The following PDCD6IP variants were observed in gnomAD, a reference collection of about 807,000 sequenced individuals.
PDCD6IP encodes the protein programmed cell death 6 interacting protein, also known as programmed cell death 6-interacting protein.
A neutral mutation model predicts 103.7 loss-of-function variants in PDCD6IP; 43 were observed. That is an observed-to-expected ratio of 0.41 (90% CI 0.32 to 0.53). The LOEUF (loss-of-function observed/expected upper bound fraction) is 0.53. Among genes scored for constraint, PDCD6IP ranks in the 20% least tolerant of loss-of-function variants. PDCD6IP has a pLI of 0.16. For missense variants in PDCD6IP, 871 were observed against 1,036.7 expected, an observed-to-expected ratio of 0.84 and a Z score of 2.20; for synonymous variants, 354 against 378.7, an observed-to-expected ratio of 0.93 and a Z score of 0.76.
rs202202188 is a variant in PDCD6IP, at chr3:33,855,222, A to G, written c.2082A>G (p.Ile694Met). The change falls in exon 15 of 18, where the codon ATA becomes ATG. Residue 694 changes from isoleucine to methionine, a missense_variant. Around this residue, in one of 5 missense-constraint regions of PDCD6IP, gnomAD observed 266 missense variants for 390.5 expected, o/e 0.68. Transcript: ENST00000307296. ...GGTTCCAGAACAAATGCAGTGATAT[A>G]GTTTTTGCACGGAAGACAGAAAGAG... ...LVRFQNKCSDIVFARKTERDE... is the reference protein window; with the variant it reads ...LVRFQNKCSDMVFARKTERDE... 1.1e-5 allele frequency: 17 copies of G among 1,611,040 alleles called. No individual in the cohort carries two copies. Among genetic ancestry groups the G allele is most frequent in the Middle Eastern group, 3.3e-4 (2 of 6,052 alleles).
intron 12 of PDCD6IP, among the ~76,000 whole-genome samples, chr3:33,845,860 A>C (rs1283467908): frequency 1.3e-5 from 2 of 152,206 alleles, no homozygotes; most frequent in African/African-American, 4.8e-5. Context: ...TTTGGGTTTT[A>C]TAAAAGAGAG....
Position 33,869,419 on chromosome 3 carries a change from A to G in PDCD6IP, c.*2894A>G, listed in dbSNP as rs1478534627. 6.6e-6 allele frequency: 1 copy of G among 152,262 alleles called. No homozygotes were observed. Among genetic ancestry groups the G allele is most frequent in the Admixed American group, 6.5e-5 (1 of 15,292 alleles). 9.4% of individuals were successfully genotyped at this position (152,262 alleles called of 1,614,324 possible). ...GTGTTATAATTGCTAGATTAAAAAT[A>G]GACTAGAACAGGTTCATTTTAAGAT... On this transcript the variant is annotated 3_prime_UTR_variant, in exon 18 of 18. Transcript: ENST00000307296.
Position 33,852,645 on chromosome 3 carries a change from C to A in PDCD6IP, c.1799C>A (p.Ser600Tyr). Reference sequence around the variant, plus strand: ...GGTGTGATAAATGAAGAAGCTCTTTCTGTTACTGAACTAGATCGAGTCTAT... The same window carrying A: ...GGTGTGATAAATGAAGAAGCTCTTTATGTTACTGAACTAGATCGAGTCTAT... ...QDGVINEEAL[S>Y]VTELDRVYGG... The change falls in exon 13 of 18, where the codon TCT (serine) becomes TAT (tyrosine). Residue 600 changes from serine (S) to tyrosine (Y), a missense_variant. By Grantham distance (144) the Ser-to-Tyr change is moderately radical (BLOSUM62 -2). Coordinates refer to ENST00000307296, the MANE Select transcript of PDCD6IP (RefSeq NM_013374.6). The A allele has an allele frequency of 1.2e-6, 2 of 1,600,978 alleles. No homozygotes were observed. Among genetic ancestry groups the A allele is most frequent in the Non-Finnish European group, 1.7e-6 (2 of 1,176,684 alleles).
intron 3 of PDCD6IP, among the ~76,000 whole-genome samples, chr3:33,814,388 G>A (rs879802071): frequency 6.6e-4 from 100 of 151,880 alleles, no homozygotes; most frequent in Middle Eastern, 6.9e-3. Context: ...ACCCATCTCG[G>A]CCTCCCAAAG....
intron 3 of PDCD6IP, among the ~76,000 whole-genome samples, chr3:33,818,081 A>G (rs1696895997): frequency 6.7e-6 from 1 of 148,816 alleles, no homozygotes; most frequent in South Asian, 2.1e-4. Flanking sequence ...TCTTGTTTGG[A>G]ATATATTTCA....
chr3:33,818,804 A>G (rs1473769371), intron 3 of PDCD6IP, among the ~76,000 whole-genome samples: 1 of 152,168 alleles, frequency 6.6e-6, no homozygotes, highest in Non-Finnish European at 1.5e-5. Context: ...GGCGTGAGCC[A>G]CTGCACCTGG....
intron 2 of PDCD6IP, 43 bp from the exon 3 acceptor site, chr3:33,813,516 C>T: frequency 8.4e-7 from 1 of 1,187,264 alleles, no homozygotes; most frequent in Non-Finnish European, 1.2e-6. Flanking sequence ...TAATGAGATT[C>T]AGGAAGGTTA....
At chr3:33,856,976 C>G (rs1697842965) in intron 15 of PDCD6IP, among the ~76,000 whole-genome samples, 1 of 151,940 alleles carries the variant, frequency 6.6e-6, no homozygotes, top group African/African-American at 2.4e-5. Context: ...TTTCAGCCAA[C>G]TAGATCTTTA....
chr3:33,813,581 A>G lies in PDCD6IP; in HGVS notation c.287A>G (p.Lys96Arg). 1 of 1,608,872 alleles carries G rather than the reference A, an allele frequency of 6.2e-7. No individual in the cohort carries two copies. The highest frequency in any genetic ancestry group is 1.3e-5 in the African/African-American group (1 of 74,936). ...ENQICLTFTW[K>R]DAFDKGSLFG... ...CAGATCTGCTTGACATTTACCTGGA[A>G]GGATGCTTTCGATAAAGGTTCACTT... Residue 96 changes from lysine to arginine, a missense_variant, in exon 3 of 18, where the codon AAG becomes AGG. Physicochemically the swap from Lys to Arg is conservative, Grantham distance 26 (BLOSUM62 2). Transcript: ENST00000307296.
intron 9 of PDCD6IP, among the ~76,000 whole-genome samples, chr3:33,840,112 C>G (rs1424168590): frequency 6.6e-6 from 1 of 151,266 alleles, no homozygotes; most frequent in Non-Finnish European, 1.5e-5. Context: ...AACTTAACTA[C>G]TAATAGCCTG....
Position 33,841,274 on chromosome 3 carries a change from C to T in PDCD6IP, c.1182-623C>T, listed in dbSNP as rs1438015066. On this transcript the variant is annotated intron_variant, in intron 9 of 17. Transcript: ENST00000307296. ...AATTCCTGACCTCAGGTGATCCACC[C>T]GTCTGGGCCTCCCAAAGTGCTGGGA... is the stretch of plus-strand genomic sequence containing the variant. 5.3e-5 allele frequency among the ~76,000 whole-genome samples: 8 copies of T among 151,836 alleles called. No homozygotes were observed. In the East Asian group the frequency reaches 7.8e-4, roughly 15 times the overall value.
Position 33,828,714 on chromosome 3 carries a change from A to G in PDCD6IP, c.718-139A>G, listed in dbSNP as rs115657237. On this transcript the variant is annotated intron_variant, in intron 6 of 17. Transcript: ENST00000307296. The stretch of plus-strand genomic sequence containing the variant: ...CATGTCGTCTTCTCTGTTTACACCT[A>G]ATGACTAACCTTAATCTCTAAACCA... The G allele has an allele frequency of 3.8e-5, 28 of 741,696 alleles. No individual in the cohort carries two copies. The African/African-American group carries it at 4.7e-4, about 12-fold the overall frequency. 45.9% of individuals were successfully genotyped at this position (741,696 alleles called of 1,614,324 possible). A position where few individuals can be genotyped will look rare whatever the true frequency, so the allele number is the denominator to read the frequency against.
At chr3:33,822,288 C>T (rs551897717) in intron 4 of PDCD6IP, among the ~76,000 whole-genome samples, 12 of 152,116 alleles carry the variant, frequency 7.9e-5, no homozygotes, top group African/African-American at 2.2e-4. Context: ...TGTTTTATAC[C>T]GAGCACCTAG....
At chr3:33,855,719 G>T (rs1697812282) in intron 15 of PDCD6IP, among the ~76,000 whole-genome samples, 2 of 152,326 alleles carry the variant, frequency 1.3e-5, no homozygotes, top group Non-Finnish European at 2.9e-5. Flanking sequence ...AATCAATACA[G>T]AGTAGCACAG....
At chr3:33,838,469 G>C in intron 9 of PDCD6IP, 142 bp downstream of exon 9, 4 of 725,886 alleles carry the variant, frequency 5.5e-6, no homozygotes, top group Non-Finnish European at 9.0e-6. Context: ...AACTATTTTT[G>C]TTGGACACTG....
At chr3:33,841,009 T>C (rs1231347012) in intron 9 of PDCD6IP, among the ~76,000 whole-genome samples, 5 of 150,602 alleles carry the variant, frequency 3.3e-5, no homozygotes, top group African/African-American at 1.2e-4. Flanking sequence ...GCGGTCATAG[T>C]TTTTCTTATT....
At chr3:33,850,102 G>A (rs1697681146) in intron 12 of PDCD6IP, among the ~76,000 whole-genome samples, 2 of 152,036 alleles carry the variant, frequency 1.3e-5, no homozygotes, top group South Asian at 4.1e-4. Context: ...GTTATGTTGA[G>A]CACTTTATAT....
chr3:33,843,863 CTT>C (rs1240057005), intron 10 of PDCD6IP, among the ~76,000 whole-genome samples: 1 of 143,454 alleles, frequency 7.0e-6, no homozygotes, highest in African/African-American at 2.6e-5. Context: ...TAAATAGTCT[CTT>C]ATTTATTCCT....
intron 12 of PDCD6IP, among the ~76,000 whole-genome samples, chr3:33,851,974 T>G (rs545989784): frequency 2.0e-4 from 30 of 152,334 alleles, no homozygotes; most frequent in Admixed American, 5.9e-4. Flanking sequence ...GGATATCTAC[T>G]TACCTAGCAA....
Sources: gnomAD v4.1 joint callset for allele counts (sites outside exome capture counted in the v4.1 genomes callset) on GRCh38, gnomAD v4.1.1 for gene constraint, gnomAD v4.1.1 regional missense constraint, MANE v1.5 for transcripts, NCBI Gene and HGNC (gene_info 2026-07-23, HGNC 2026-07-21) for gene names.